Variants in OTOG observed in about 807,000 individuals in gnomAD.
OTOG encodes the protein otogelin.
Under a neutral mutation model 313.8 loss-of-function variants are expected in OTOG, and 296 were observed. That is an observed-to-expected ratio of 0.94 (90% CI 0.86 to 1.04). The LOEUF (loss-of-function observed/expected upper bound fraction) is 1.04, where lower values mean the gene tolerates loss of function less well. Among genes scored for constraint, OTOG ranks in the 50% least tolerant of loss-of-function variants. The pLI, the probability that OTOG is intolerant of heterozygous loss-of-function variation, is 0.00. For missense variants in OTOG, 3,948 were observed against 3,840.1 expected (o/e 1.03, Z -0.74); for synonymous variants, 1,533 against 1,554.9 (o/e 0.99, Z 0.33).
At position 17,576,640 on chromosome 11, in the gene OTOG, G is replaced by A. The variant is rs4756901; in HGVS notation, c.2561+10G>A. The A allele has an allele frequency of 0.38, 577,522 of 1,539,546 alleles. 111,057 individuals are homozygous for A. Among genetic ancestry groups the A allele is most frequent in the Non-Finnish European group, 0.4 (454,533 of 1,137,120 alleles). Reference sequence around the variant, plus strand: ...CATCCCTGGGCCACTGGTGAGCTCCGTAGGTAGCAGCCTTCTTGTCCTCTC... The same window carrying A: ...CATCCCTGGGCCACTGGTGAGCTCCATAGGTAGCAGCCTTCTTGTCCTCTC... On this transcript the variant is annotated intron_variant, in intron 21 of 55. Coordinates refer to ENST00000399397, the MANE Select transcript of OTOG (RefSeq NM_001292063.2).
In OTOG at chr11:17,550,588, CA is replaced by C. The variant is rs540463542; in HGVS notation, c.217-1411del. Among the ~76,000 whole-genome samples the C allele has an allele frequency of 3.0e-4, 45 of 152,316 alleles. No individual in the cohort carries two copies. The East Asian group carries it at 8.5e-3, about 29-fold the overall frequency. On this transcript the variant is annotated intron_variant, in intron 3 of 55. Coordinates refer to ENST00000399397, the MANE Select transcript of OTOG (RefSeq NM_001292063.2). ...CACAGGTTGTCTCATCCTCATGACT[CA>C]TTTATCTCAGAGGCCACATCTGAAG...
intron 12 of OTOG, 106 bp downstream of exon 12, chr11:17,559,768 AAAGGAG>A: frequency 5.8e-6 from 6 of 1,027,434 alleles, no homozygotes; most frequent in East Asian, 3.2e-5. Flanking sequence ...GGAAGGAAGG[AAAGGAG>A]GGAGGGAGGG....
rs949082330 is a variant in OTOG at position 17,612,304 on chromosome 11, G to C, written c.6266G>C (p.Arg2089Pro). 6.5e-7 allele frequency: 1 copy of C among 1,538,812 alleles called. No individual in the cohort carries two copies. The highest frequency in any genetic ancestry group is 2.4e-5 in the East Asian group (1 of 40,902). Residue 2089 changes from arginine to proline, a missense_variant, in exon 37 of 56, where the codon CGC becomes CCC. Transcript: ENST00000399397. ...CTCGCCGTGCGGGTGGGTGGGGACC[G>C]CTGCTGCCCACTCTGGGAGTGTGCC... ...LGLAVRVGGD[R>P]CCPLWECACR...
At chr11:17,595,150 G>A (rs1360574244) in intron 28 of OTOG, among the ~76,000 whole-genome samples, 1 of 152,178 alleles carries the variant, frequency 6.6e-6, no homozygotes, top group Non-Finnish European at 1.5e-5. Flanking sequence ...AGGTGGGGCA[G>A]GGCTGTTCCC....
chr11:17,566,375 T>C (rs1852293780), intron 15 of OTOG, among the ~76,000 whole-genome samples: 1 of 152,208 alleles, frequency 6.6e-6, no homozygotes, highest in Non-Finnish European at 1.5e-5. Context: ...CATATTTTTT[T>C]CCAAATATTT....
At chr11:17,565,375 G>A (rs751802041) in intron 15 of OTOG, among the ~76,000 whole-genome samples, 2 of 152,188 alleles carry the variant, frequency 1.3e-5, no homozygotes, top group Non-Finnish European at 2.9e-5. Flanking sequence ...AAAGTGCCAT[G>A]TTCATCACAT....
chr11:17,626,698 G>C (rs1191624662), intron 39 of OTOG, among the ~76,000 whole-genome samples: 1 of 152,068 alleles, frequency 6.6e-6, no homozygotes, highest in African/African-American at 2.4e-5. Flanking sequence ...TGAATCTGTA[G>C]GTTTCTTTGG....
chr11:17,581,350 C>T (rs56136656), intron 23 of OTOG, among the ~76,000 whole-genome samples: 36,495 of 151,932 alleles, frequency 0.24, 5,252 homozygotes, highest in African/African-American at 0.42. Context: ...GAGACTTTGG[C>T]CTTGTAGGCA....
At chr11:17,572,370 G>A (rs1852423992) in intron 18 of OTOG, among the ~76,000 whole-genome samples, 166 bp downstream of exon 18, 1 of 152,232 alleles carries the variant, frequency 6.6e-6, no homozygotes, top group African/African-American at 2.4e-5. Flanking sequence ...GTGAGGGCCA[G>A]GCAGGCAGGA....
At chr11:17,548,589 T>C (rs1240329090) in intron 3 of OTOG, among the ~76,000 whole-genome samples, 2 of 152,170 alleles carry the variant, frequency 1.3e-5, no homozygotes, top group East Asian at 3.9e-4. Context: ...CCCTCAACCC[T>C]GTCAGAGGCT....
intron 15 of OTOG, among the ~76,000 whole-genome samples, chr11:17,562,038 A>G (rs1041682689): frequency 1.2e-4 from 9 of 75,096 alleles, no homozygotes; most frequent in African/African-American, 3.7e-4. Context: ...TTTACTACCT[A>G]AAAAAAAAAT....
At chr11:17,556,413 T>C (rs1430906013) in intron 7 of OTOG, among the ~76,000 whole-genome samples, 1 of 152,188 alleles carries the variant, frequency 6.6e-6, no homozygotes, top group Non-Finnish European at 1.5e-5. Flanking sequence ...CTTTCCTGCA[T>C]CTCTTCCTCA....
At chr11:17,575,041 C>A in intron 20 of OTOG, 129 bp downstream of exon 20, 1 of 950,358 alleles carries the variant, frequency 1.1e-6, no homozygotes, top group Non-Finnish European at 1.5e-6. Flanking sequence ...CAGGCCAGAC[C>A]TTGGTGGGTA....
At chr11:17,586,283 T>C (rs928887846) in intron 23 of OTOG, among the ~76,000 whole-genome samples, 191 bp from the exon 24 acceptor site, 1 of 152,152 alleles carries the variant, frequency 6.6e-6, no homozygotes, top group African/African-American at 2.4e-5. Flanking sequence ...CTGTTACTGG[T>C]TTTTCCAGTT....
At chr11:17,627,965 T>C (rs1854026299) in intron 39 of OTOG, among the ~76,000 whole-genome samples, 1 of 152,084 alleles carries the variant, frequency 6.6e-6, no homozygotes, top group Admixed American at 6.5e-5. Context: ...TCTTCTTTCT[T>C]TTTTCTTAGT....
chr11:17,604,877 GATT>G (rs1445396925), intron 32 of OTOG, among the ~76,000 whole-genome samples: 1 of 152,228 alleles, frequency 6.6e-6, no homozygotes, highest in African/African-American at 2.4e-5. Context: ...CAGCAGCTGT[GATT>G]ATTAACATGG....
At position 17,610,142 on chromosome 11, in the gene OTOG, G is replaced by A. The variant is rs538218569; in HGVS notation, c.4842G>A (p.Pro1614=). Residue 1614 remains proline (P), a synonymous_variant, in exon 36 of 56, where the codon CCG becomes CCA. Transcript: ENST00000399397. ...GGTCGCCCCCTGCCCCTCGCTTCCC[G>A]CTCATGACCAAGGCTGTGACAGTCC... The part of the protein sequence containing the change: ...SSRSPPAPRF[P]LMTKAVTVRG... 2.4e-4 allele frequency: 373 copies of A among 1,550,534 alleles called. 2 individuals are homozygous for A. The highest frequency in any genetic ancestry group is 7.2e-4 in the African/African-American group (53 of 73,108).
At chr11:17,573,048 A>T (rs911649370) in intron 18 of OTOG, 30 bp from the exon 19 acceptor site, 1 of 1,514,522 alleles carries the variant, frequency 6.6e-7, no homozygotes, top group South Asian at 1.2e-5. Context: ...GACTCCCCTG[A>T]CTGCCTGGCT....
rs745549547 is a variant in OTOG, at chr11:17,611,167, C to T, written c.5867C>T (p.Thr1956Ile). The change falls in exon 36 of 56, where the codon ACA becomes ATA. Residue 1956 changes from threonine to isoleucine, a missense_variant. By Grantham distance (89) the Thr-to-Ile change is moderately conservative (BLOSUM62 -1). Transcript: ENST00000399397. ...VAEPEGAQAG[T>I]ALPVPTSYAL... is the part of the protein sequence containing the mutation. ...GAGCCCGAGGGAGCCCAGGCAGGCA[C>T]AGCTCTGCCAGTGCCCACATCCTAT... The T allele has an allele frequency of 1.3e-6, 2 of 1,550,438 alleles. No individual in the cohort carries two copies. The highest frequency in any genetic ancestry group is 1.7e-6 in the Non-Finnish European group (2 of 1,147,020).
Sources: allele counts gnomAD v4.1 joint callset (sites outside exome capture counted in the v4.1 genomes callset), GRCh38; gene constraint gnomAD v4.1.1; transcripts MANE v1.5; gene names NCBI Gene and HGNC (gene_info 2026-07-23, HGNC 2026-07-21).